FAM81A: variants seen among roughly 807,000 people sequenced by gnomAD.
FAM81A encodes protein FAM81A.
In FAM81A, 19 loss-of-function variants were observed where a neutral mutation model predicts 46.7. The observed-to-expected ratio is 0.41, with a 90% CI of 0.28 to 0.60. FAM81A has a LOEUF of 0.60. Among genes scored for constraint, FAM81A ranks in the 20% least tolerant of loss-of-function variants. FAM81A has a pLI of 0.34. For synonymous variants in FAM81A, 183 were observed against 152.9 expected (o/e 1.20, Z -1.45); for missense variants, 377 against 453.5 (o/e 0.83, Z 1.53).
At chr15:59,434,088 C>T (rs535472063), upstream of FAM81A, among the ~76,000 whole-genome samples, 1 of 152,282 alleles carries the variant, frequency 6.6e-6, no homozygotes, top group Admixed American at 6.5e-5. Flanking sequence ...CTCCTAGCCT[C>T]AAGCTATCTG....
At chr15:59,502,242 T>A (rs1243591262) in intron 4 of FAM81A, among the ~76,000 whole-genome samples, 1 of 151,776 alleles carries the variant, frequency 6.6e-6, no homozygotes, top group Non-Finnish European at 1.5e-5. Context: ...GCAGGTTAGT[T>A]ACATATGTAT....
intron 3 of FAM81A, among the ~76,000 whole-genome samples, chr15:59,484,270 TA>T (rs1302521746): frequency 6.6e-6 from 1 of 152,214 alleles, no homozygotes; most frequent in Admixed American, 6.5e-5. Flanking sequence ...CTTAAATTTC[TA>T]AAAGTCAGTA....
intron 4 of FAM81A, among the ~76,000 whole-genome samples, chr15:59,494,077 G>A (rs1286629347): frequency 2.6e-5 from 4 of 152,090 alleles, no homozygotes; most frequent in African/African-American, 9.7e-5. Flanking sequence ...TATGTTACCT[G>A]TCTATAGCTA....
chr15:59,510,637 A>G (rs1017073894), intron 6 of FAM81A, among the ~76,000 whole-genome samples: 8 of 151,602 alleles, frequency 5.3e-5, no homozygotes, highest in Admixed American at 3.3e-4. Context: ...AGTTAGCTGG[A>G]TATGGTTGTG....
At chr15:59,404,553 T>G (rs1320109595) in intron 2 of FAM81A, among the ~76,000 whole-genome samples, 1 of 152,206 alleles carries the variant, frequency 6.6e-6, no homozygotes, top group Non-Finnish European at 1.5e-5. Flanking sequence ...CTCCAACTCC[T>G]GGGCTCAAGC....
At chr15:59,508,345 G>C (rs1247627746) in intron 5 of FAM81A, among the ~76,000 whole-genome samples, 5 of 152,166 alleles carry the variant, frequency 3.3e-5, no homozygotes, top group African/African-American at 1.2e-4. Flanking sequence ...ATTTCACACA[G>C]GACTGGTTTT....
chr15:59,425,633 TG>T (rs1405487730), intron 2 of FAM81A, among the ~76,000 whole-genome samples: 1 of 152,220 alleles, frequency 6.6e-6, no homozygotes, highest in Non-Finnish European at 1.5e-5. Context: ...TTTGTTTATT[TG>T]TTTGTTTTTG....
chr15:59,401,844 C>CTTAG, intron 1 of FAM81A: 1 of 745,814 alleles, frequency 1.3e-6, no homozygotes, highest in Non-Finnish European at 2.5e-6. Flanking sequence ...CTCAGCATGG[C>CTTAG]CCTGTTTATG....
intron 2 of FAM81A, among the ~76,000 whole-genome samples, chr15:59,415,661 A>G (rs2081143634): frequency 6.6e-6 from 1 of 152,228 alleles, no homozygotes; most frequent in South Asian, 2.1e-4. Context: ...ATTTTAGCCC[A>G]GTGAGGCCTA....
chr15:59,493,643 G>A (rs1045555159), intron 4 of FAM81A, among the ~76,000 whole-genome samples: 3 of 151,908 alleles, frequency 2.0e-5, no homozygotes, highest in African/African-American at 7.3e-5. Context: ...GCTGGAGAGC[G>A]GTGGCACAAT....
intron 3 of FAM81A, among the ~76,000 whole-genome samples, chr15:59,463,028 A>G (rs1429566897): frequency 6.6e-6 from 1 of 152,158 alleles, no homozygotes; most frequent in Non-Finnish European, 1.5e-5. Flanking sequence ...TTGAAGTCTA[A>G]TATCAATTTT....
At chr15:59,466,402 C>T (rs1295091978) in intron 3 of FAM81A, among the ~76,000 whole-genome samples, 1 of 151,648 alleles carries the variant, frequency 6.6e-6, no homozygotes, top group Non-Finnish European at 1.5e-5. Context: ...GCCATTCTAA[C>T]TGGCGTGAGA....
chr15:59,427,327 T>C (rs1317800222), intron 2 of FAM81A, among the ~76,000 whole-genome samples: 1 of 151,750 alleles, frequency 6.6e-6, no homozygotes, highest in African/African-American at 2.4e-5. Context: ...GCCAGGCTGG[T>C]CTTAAACTCC....
intron 2 of FAM81A, 100 bp downstream of exon 2, chr15:59,458,746 T>C (rs531458036): frequency 1.0e-5 from 12 of 1,185,834 alleles, no homozygotes; most frequent in East Asian, 9.3e-5. Flanking sequence ...ATGGTTTTGT[T>C]CAAGGGCAAG....
At chr15:59,464,379 T>C (rs529727668) in intron 3 of FAM81A, among the ~76,000 whole-genome samples, 15 of 152,340 alleles carry the variant, frequency 9.8e-5, no homozygotes, top group Admixed American at 3.9e-4. Flanking sequence ...TTGTAGTTTT[T>C]TGAGGAACCT....
rs1364384083 is a variant in FAM81A, at chr15:59,507,258, C to A, written c.459C>A (p.Thr153=). The change falls in exon 5 of 9, where the codon ACC becomes ACA. Residue 153 remains threonine, a synonymous_variant. Transcript: ENST00000288228. ...GACTTTCTGCAGAGCACAAAACGAC[C>A]TATGAGGGGCTCCAGCACTTGAACA... ...IARLSAEHKT[T]YEGLQHLNKE... is the part of the protein sequence containing the mutation. The A allele has an allele frequency of 6.2e-7, 1 of 1,611,824 alleles. No homozygotes were observed. Among genetic ancestry groups the A allele is most frequent in the Non-Finnish European group, 8.5e-7 (1 of 1,178,990 alleles).
At chr15:59,452,563 CT>C (rs2081431929) in intron 1 of FAM81A, among the ~76,000 whole-genome samples, 1 of 152,234 alleles carries the variant, frequency 6.6e-6, no homozygotes, top group East Asian at 1.9e-4. Flanking sequence ...AGGAGGATTG[CT>C]TGAGCCTAGG....
intron 2 of FAM81A, among the ~76,000 whole-genome samples, chr15:59,427,770 G>T (rs1479462884): frequency 6.6e-6 from 1 of 152,118 alleles, no homozygotes; most frequent in Non-Finnish European, 1.5e-5. Context: ...GTATTCCATT[G>T]TGTATAGGTA....
Position 59,477,150 on chromosome 15 carries a change from A to G in FAM81A, c.295-15121A>G, listed in dbSNP as rs553442967. Among the ~76,000 whole-genome samples, 7 of 151,982 alleles carry G rather than the reference A, an allele frequency of 4.6e-5. No homozygotes were observed. The East Asian group carries it at 1.4e-3, about 29-fold the overall frequency. On this transcript the variant is annotated intron_variant, in intron 3 of 8. Transcript: ENST00000288228. ...AAAAAAAAGCAAAAACAAACAGAAA[A>G]CAAAACAAAGAACAAAATAACCTCA...
Sources: gnomAD v4.1 joint callset for allele counts (sites outside exome capture counted in the v4.1 genomes callset) on GRCh38, gnomAD v4.1.1 for gene constraint, MANE v1.5 for transcripts, NCBI Gene and HGNC (gene_info 2026-07-23, HGNC 2026-07-21) for gene names.